Variants in SESTD1 observed in about 807,000 individuals in gnomAD.
SESTD1 encodes SEC14 and spectrin domain containing 1, also known as SEC14 domain and spectrin repeat-containing protein 1.
A neutral mutation model predicts 101.7 loss-of-function variants in SESTD1; 43 were observed. The ratio of observed to expected loss-of-function variants is 0.42; its 90% CI spans 0.33 to 0.55. The LOEUF (loss-of-function observed/expected upper bound fraction) is 0.55, where lower values mean the gene tolerates loss of function less well. SESTD1 is among the 20% of genes least tolerant of loss of function. SESTD1 has a pLI of 0.07. For missense variants in SESTD1, 647 were observed against 815.1 expected (o/e 0.79, Z 2.51); for synonymous variants, 283 against 286.8 (o/e 0.99, Z 0.13).
rs183984674 is a variant in SESTD1, at chr2:179,236,368, A to T, written c.-26+28131T>A. On this transcript the variant is annotated intron_variant, in intron 1 of 17. Coordinates refer to ENST00000428443, the MANE Select transcript of SESTD1 (RefSeq NM_178123.5). ...AAAAAAAAGCTGGGCATGGTAGCAC[A>T]TGTCTACAGCCCTAGCTACTTGCGA... 2.9e-3 allele frequency among the ~76,000 whole-genome samples: 428 copies of T among 149,472 alleles called. 5 individuals carry two copies. The highest frequency in any genetic ancestry group is 0.01 in the African/African-American group (412 of 40,478).
chr2:179,147,650 G>A (rs369110919), intron 7 of SESTD1, among the ~76,000 whole-genome samples: 26 of 152,228 alleles, frequency 1.7e-4, no homozygotes, highest in Admixed American at 7.2e-4. Context: ...ATGAGCCACC[G>A]CGCCCAGCCT....
At chr2:179,248,463 A>G (rs1312491566) in intron 1 of SESTD1, among the ~76,000 whole-genome samples, 1 of 152,144 alleles carries the variant, frequency 6.6e-6, no homozygotes, top group Non-Finnish European at 1.5e-5. Flanking sequence ...ATGAATATAA[A>G]CCTAAGAATC....
At chr2:179,122,191 A>ATAAT (rs1392620998) in intron 12 of SESTD1, among the ~76,000 whole-genome samples, 1 of 152,218 alleles carries the variant, frequency 6.6e-6, no homozygotes, top group African/African-American at 2.4e-5. Flanking sequence ...TCCATAGACA[A>ATAAT]TAATTACTTT....
intron 2 of SESTD1, among the ~76,000 whole-genome samples, chr2:179,188,572 A>C (rs1472751080): frequency 2.0e-5 from 3 of 152,156 alleles, no homozygotes; most frequent in African/African-American, 7.2e-5. Context: ...TCAGGAGGTC[A>C]AAGCTGCAGC....
chr2:179,125,711 G>A lies in SESTD1; in HGVS notation c.973-1153C>T, dbSNP rs952704951. On this transcript the variant is annotated intron_variant, in intron 10 of 17. Coordinates refer to ENST00000428443, the MANE Select transcript of SESTD1 (RefSeq NM_178123.5). ...TTGGCAATCCTTTTATGTTTCTCTA[G>A]TAAATTCACTTTCTCATTCTCATGA... is the stretch of plus-strand genomic sequence containing the variant. 3.3e-5 allele frequency among the ~76,000 whole-genome samples: 5 copies of A among 152,214 alleles called. No individual in the cohort carries two copies. The East Asian group carries it at 9.7e-4, about 29-fold the overall frequency.
intron 5 of SESTD1, among the ~76,000 whole-genome samples, chr2:179,154,401 A>T (rs1052616581): frequency 3.5e-4 from 53 of 152,294 alleles, no homozygotes; most frequent in Admixed American, 9.8e-4. Flanking sequence ...TAGACAAATA[A>T]TAAGTTTCTC....
rs895901309 is a variant in SESTD1, at chr2:179,109,714, G to A, written c.*185C>T. The A allele has an allele frequency of 3.2e-5, 21 of 650,138 alleles. No individual in the cohort carries two copies. Among genetic ancestry groups the A allele is most frequent in the Non-Finnish European group, 5.0e-5 (20 of 399,024 alleles). 40.3% of individuals were successfully genotyped at this position (650,138 alleles called of 1,614,324 possible). A position where few individuals can be genotyped will look rare whatever the true frequency, so the allele number is the denominator to read the frequency against. On this transcript the variant is annotated 3_prime_UTR_variant, in exon 18 of 18. Transcript: ENST00000428443. ...TAAGATACTTGGAATCTACAGCCTC[G>A]AAGCATGTTAAGTAATTATGCCTTG...
rs140632517 is a variant in SESTD1, at chr2:179,170,621, T to C, written c.369+1499A>G. On this transcript the variant is annotated intron_variant, in intron 5 of 17. Coordinates refer to ENST00000428443, the MANE Select transcript of SESTD1 (RefSeq NM_178123.5). ...GCATTTCTGGAGTGATAAGTGTTTT[T>C]TTGGATGTTAGTAAGATGAGTGGTG... 3.9e-5 allele frequency among the ~76,000 whole-genome samples: 6 copies of C among 152,216 alleles called. No homozygotes were observed. The East Asian group carries it at 1.2e-3, about 29-fold the overall frequency.
At chr2:179,190,057 G>GT (rs2046297856) in intron 2 of SESTD1, among the ~76,000 whole-genome samples, 1 of 151,822 alleles carries the variant, frequency 6.6e-6, no homozygotes, top group East Asian at 1.9e-4. Flanking sequence ...AAAAACTAAA[G>GT]TTCATATGGA....
chr2:179,169,897 C>T (rs2045901099), intron 5 of SESTD1, among the ~76,000 whole-genome samples: 1 of 150,896 alleles, frequency 6.6e-6, no homozygotes, highest in Admixed American at 6.6e-5. Flanking sequence ...TCTCTTGAAC[C>T]TGGGAGGCGG....
chr2:179,185,677 CATATT>C (rs1463365951), intron 2 of SESTD1, among the ~76,000 whole-genome samples: 1 of 49,700 alleles, frequency 2.0e-5, no homozygotes, highest in Non-Finnish European at 5.0e-5. Flanking sequence ...TATAATATAG[CATATT>C]ATATATAATA....
In SESTD1 at chr2:179,105,500, C is replaced by T. The variant is rs2044362023; in HGVS notation, c.*4399G>A. On this transcript the variant is annotated 3_prime_UTR_variant, in exon 18 of 18. Coordinates refer to ENST00000428443, the MANE Select transcript of SESTD1 (RefSeq NM_178123.5). ...GTAATTCTGAAGATGCATTCTGATA[C>T]ACTAGTGAACTGGGGGTGACGGTGA... 1.3e-5 allele frequency: 2 copies of T among 151,860 alleles called. No homozygotes were observed. Among genetic ancestry groups the T allele is most frequent in the African/African-American group, 2.4e-5 (1 of 41,334 alleles). The allele number at this position is 151,860 out of a possible 1,614,324, so 9.4% of individuals were successfully genotyped here. A position where few individuals can be genotyped will look rare whatever the true frequency, so the allele number is the denominator to read the frequency against.
chr2:179,140,524 A>G (rs1000707156), intron 9 of SESTD1, among the ~76,000 whole-genome samples: 1 of 152,192 alleles, frequency 6.6e-6, no homozygotes, highest in African/African-American at 2.4e-5. Context: ...TCCTGATCTC[A>G]GAACTGCAAG....
At chr2:179,218,045 G>A (rs903059909) in intron 1 of SESTD1, among the ~76,000 whole-genome samples, 1 of 152,046 alleles carries the variant, frequency 6.6e-6, no homozygotes, top group African/African-American at 2.4e-5. Context: ...CGAGTTGATG[G>A]GTGCAGCAAA....
chr2:179,254,736 C>T (rs2047367561), intron 1 of SESTD1, among the ~76,000 whole-genome samples: 1 of 152,152 alleles, frequency 6.6e-6, no homozygotes, highest in African/African-American at 2.4e-5. Context: ...CTGTTTGCCT[C>T]GATATATTTG....
intron 1 of SESTD1, among the ~76,000 whole-genome samples, chr2:179,196,189 G>A (rs905738652): frequency 1.3e-5 from 2 of 152,200 alleles, no homozygotes; most frequent in African/African-American, 2.4e-5. Context: ...CAAAGAACGG[G>A]GTGACAGATG....
intron 5 of SESTD1, among the ~76,000 whole-genome samples, chr2:179,165,085 T>G (rs1028817140): frequency 6.6e-6 from 1 of 152,216 alleles, no homozygotes; most frequent in Non-Finnish European, 1.5e-5. Context: ...ATGGATAGTG[T>G]TGAACTGCCC....
At chr2:179,163,172 C>T (rs1212999262) in intron 5 of SESTD1, among the ~76,000 whole-genome samples, 3 of 152,076 alleles carry the variant, frequency 2.0e-5, no homozygotes, top group African/African-American at 7.2e-5. Flanking sequence ...TCCTCAAATG[C>T]TCTTTGAACC....
chr2:179,163,000 A>G (rs1367415521), intron 5 of SESTD1, among the ~76,000 whole-genome samples: 1 of 151,982 alleles, frequency 6.6e-6, no homozygotes, highest in Non-Finnish European at 1.5e-5. Context: ...CAAAAAAAAA[A>G]AAAAAGAATA....
Sources: gnomAD v4.1 joint callset for allele counts (sites outside exome capture counted in the v4.1 genomes callset) on GRCh38, gnomAD v4.1.1 for gene constraint, MANE v1.5 for transcripts, NCBI Gene and HGNC (gene_info 2026-07-23, HGNC 2026-07-21) for gene names.